The following C2CD3 variants were observed in gnomAD, a reference collection of about 807,000 sequenced individuals.
C2CD3 encodes C2 domain containing 3 centriole elongation regulator.
In C2CD3, 148 loss-of-function variants were observed where a neutral mutation model predicts 234.0. That is an observed-to-expected ratio of 0.63 (90% CI 0.55 to 0.72). The LOEUF is 0.72. C2CD3 is among the 30% of genes least tolerant of loss of function. C2CD3 has a pLI of 0.00. For synonymous variants in C2CD3, 1,000 were observed against 1,035.4 expected, an observed-to-expected ratio of 0.97 and a Z score of 0.66; for missense variants, 2,577 against 2,811.5, an observed-to-expected ratio of 0.92 and a Z score of 1.89.
chr11:74,078,095 G>C lies in C2CD3; in HGVS notation c.4603+20C>G. The C allele has an allele frequency of 6.2e-7, 1 of 1,602,444 alleles. No individual in the cohort carries two copies. Among genetic ancestry groups the C allele is most frequent in the Non-Finnish European group, 8.5e-7 (1 of 1,174,430 alleles). On this transcript the variant is annotated intron_variant, in intron 23 of 32. Coordinates refer to ENST00000334126, the MANE Select transcript of C2CD3 (RefSeq NM_001286577.2). ...AGCAGGTGCTCAAACTACAAGAGTT[G>C]AATCAGGCTCCTCACTTACCACTGA...
intron 7 of C2CD3, among the ~76,000 whole-genome samples, chr11:74,128,292 T>C (rs918909719): frequency 3.3e-5 from 5 of 152,222 alleles, no homozygotes; most frequent in African/African-American, 1.2e-4. Flanking sequence ...ATATAAGTCC[T>C]GTATCAGATG....
At chr11:74,163,044 C>T (rs932804473) in intron 2 of C2CD3, among the ~76,000 whole-genome samples, 15 of 152,252 alleles carry the variant, frequency 9.9e-5, no homozygotes, top group Admixed American at 9.8e-4. Context: ...ATAATGTATG[C>T]ATAAGGAATC....
intron 11 of C2CD3, among the ~76,000 whole-genome samples, chr11:74,109,711 G>C (rs1266692275): frequency 6.6e-6 from 1 of 152,178 alleles, no homozygotes; most frequent in Non-Finnish European, 1.5e-5. Context: ...AACTATAAGT[G>C]TAAGTGGATA....
At chr11:74,078,077 G>A in intron 23 of C2CD3, 38 bp downstream of exon 23, 1 of 1,584,790 alleles carries the variant, frequency 6.3e-7, no homozygotes, top group South Asian at 1.2e-5. Context: ...CAGAGCAGGT[G>A]CTCAAACTAC....
intron 24 of C2CD3, among the ~76,000 whole-genome samples, chr11:74,072,018 A>G (rs1954815626): frequency 6.6e-6 from 1 of 152,116 alleles, no homozygotes; most frequent in Non-Finnish European, 1.5e-5. Context: ...CAATGCAACT[A>G]CAAAAAAAAA....
intron 3 of C2CD3, among the ~76,000 whole-genome samples, chr11:74,149,976 G>T (rs556106380): frequency 3.3e-5 from 5 of 152,036 alleles, no homozygotes; most frequent in Non-Finnish European, 7.4e-5. Context: ...CGCTAATGTG[G>T]CTATTGAGAA....
chr11:74,151,402 C>T (rs574860545), intron 3 of C2CD3, among the ~76,000 whole-genome samples: 1 of 152,240 alleles, frequency 6.6e-6, no homozygotes, highest in African/African-American at 2.4e-5. Flanking sequence ...ACTGCAACCT[C>T]TGCCTCCCAG....
chr11:74,166,316 TAA>T (rs34997320), intron 2 of C2CD3, among the ~76,000 whole-genome samples: 49 of 123,130 alleles, frequency 4.0e-4, no homozygotes, highest in Non-Finnish European at 3.5e-4. Context: ...GACTCCGTCT[TAA>T]AAAAAAAAAA....
intron 8 of C2CD3, among the ~76,000 whole-genome samples, chr11:74,121,927 T>C (rs549519573): frequency 7.2e-4 from 109 of 152,334 alleles, no homozygotes; most frequent in African/African-American, 2.5e-3. Context: ...CATTCAGGCA[T>C]TCTGTCTCAT....
intron 3 of C2CD3, among the ~76,000 whole-genome samples, chr11:74,146,645 A>C (rs1207581652): frequency 6.6e-6 from 1 of 152,060 alleles, no homozygotes; most frequent in Non-Finnish European, 1.5e-5. Context: ...AACACTTTGC[A>C]AAGACAGATA....
At chr11:74,161,672 T>C (rs902599128) in intron 2 of C2CD3, 116 bp from the exon 3 acceptor site, 2 of 583,756 alleles carry the variant, frequency 3.4e-6, no homozygotes, top group African/African-American at 1.9e-5. Flanking sequence ...AAATATTTTA[T>C]GTTGGATAAC....
At chr11:74,152,028 T>A (rs1056265746) in intron 3 of C2CD3, among the ~76,000 whole-genome samples, 4 of 152,056 alleles carry the variant, frequency 2.6e-5, no homozygotes, top group African/African-American at 9.7e-5. Flanking sequence ...ACACAGAGGA[T>A]GAAAAGACTG....
intron 24 of C2CD3, among the ~76,000 whole-genome samples, chr11:74,066,597 C>A (rs1166615145): frequency 6.6e-6 from 1 of 151,910 alleles, no homozygotes; most frequent in South Asian, 2.1e-4. Flanking sequence ...AGAAAAGTAG[C>A]TACAGCTTTG....
chr11:74,032,863 T>TAA lies in C2CD3; in HGVS notation c.6809+486_6809+487dup, dbSNP rs111857966. On this transcript the variant is annotated intron_variant, in intron 31 of 32. Coordinates refer to ENST00000334126, the MANE Select transcript of C2CD3 (RefSeq NM_001286577.2). The stretch of plus-strand genomic sequence containing the variant: ...TTGGGTGACAGAATAACCTGTCTCT[T>TAA]AAAAAAAAAAAAAGGCAAGTCACAA... 8.6e-4 allele frequency among the ~76,000 whole-genome samples: 123 copies of TAA among 142,334 alleles called. 1 individual carries two copies. Among genetic ancestry groups the TAA allele is most frequent in the African/African-American group, 2.9e-3 (111 of 38,828 alleles). The allele number at this position is 142,334 out of a possible 152,430, so 93.4% of individuals were successfully genotyped here. A position where few individuals can be genotyped will look rare whatever the true frequency, so the allele number is the denominator to read the frequency against.
At chr11:74,081,070 A>G (rs1955335507) in intron 22 of C2CD3, among the ~76,000 whole-genome samples, 1 of 152,142 alleles carries the variant, frequency 6.6e-6, no homozygotes, top group African/African-American at 2.4e-5. Context: ...GAATTCTGCA[A>G]ACTAGATTAC....
At chr11:74,086,841 T>C (rs1955663747) in intron 20 of C2CD3, among the ~76,000 whole-genome samples, 1 of 152,194 alleles carries the variant, frequency 6.6e-6, no homozygotes. Flanking sequence ...TTGAAGCATT[T>C]CTTGATATCC....
At chr11:74,120,323 C>G (rs894548031) in intron 8 of C2CD3, among the ~76,000 whole-genome samples, 1 of 152,024 alleles carries the variant, frequency 6.6e-6, no homozygotes, top group Non-Finnish European at 1.5e-5. Flanking sequence ...TTCCCCGCCC[C>G]GTGTCTAAGT....
At chr11:74,067,895 G>T (rs189443095) in intron 24 of C2CD3, among the ~76,000 whole-genome samples, 11 of 152,240 alleles carry the variant, frequency 7.2e-5, no homozygotes, top group Admixed American at 2.0e-4. Flanking sequence ...AAGGCAGGCG[G>T]GAAGCAGAGG....
chr11:74,013,563 T>C, intron 32 of C2CD3, 38 bp from the exon 33 acceptor site: 17 of 1,242,932 alleles, frequency 1.4e-5, no homozygotes, highest in Non-Finnish European at 1.7e-5. Flanking sequence ...CCACTGAGGA[T>C]ATGGCACCAC....
Sources: gnomAD v4.1 joint callset for allele counts (sites outside exome capture counted in the v4.1 genomes callset) on GRCh38, gnomAD v4.1.1 for gene constraint, MANE v1.5 for transcripts, NCBI Gene and HGNC (gene_info 2026-07-23, HGNC 2026-07-21) for gene names.